LTBP2: variants seen among roughly 807,000 people sequenced by gnomAD.
LTBP2 encodes the protein latent-transforming growth factor beta-binding protein 2.
A neutral mutation model predicts 210.6 loss-of-function variants in LTBP2; 103 were observed. The observed-to-expected ratio is 0.49, with a 90% CI of 0.42 to 0.58. The LOEUF (loss-of-function observed/expected upper bound fraction) is 0.58, where lower values mean the gene tolerates loss of function less well. Among genes scored for constraint, LTBP2 ranks in the 20% least tolerant of loss-of-function variants. LTBP2 has a pLI of 0.00. For missense variants in LTBP2, 2,313 were observed against 2,494.5 expected (o/e 0.93, Z 1.55); for synonymous variants, 1,007 against 1,015.0 (o/e 0.99, Z 0.15).
Position 74,612,146 on chromosome 14 carries a change from A to G in LTBP2, c.-202T>C, listed in dbSNP as rs1348464563. On this transcript the variant is annotated 5_prime_UTR_variant, in exon 1 of 36. Coordinates refer to ENST00000261978, the MANE Select transcript of LTBP2 (RefSeq NM_000428.3). Reference sequence around the variant, plus strand: ...CCCCGAGCCTCGAGTCCGCGCTCCTACTCCAGCTGGGCTCGCACGGCTGCT... The same window carrying G: ...CCCCGAGCCTCGAGTCCGCGCTCCTGCTCCAGCTGGGCTCGCACGGCTGCT... 1 of 538,174 alleles carries G rather than the reference A, an allele frequency of 1.9e-6. No homozygotes were observed. The allele number at this position is 538,174 out of a possible 1,614,324, so 33.3% of individuals were successfully genotyped here. A position where few individuals can be genotyped will look rare whatever the true frequency, so the allele number is the denominator to read the frequency against.
chr14:74,506,017 C>A, intron 28 of LTBP2, 31 bp downstream of exon 28: 1 of 1,613,732 alleles, frequency 6.2e-7, no homozygotes, highest in Non-Finnish European at 8.5e-7. Context: ...ACCTCTGAGT[C>A]ACCATGGATA....
intron 2 of LTBP2, among the ~76,000 whole-genome samples, chr14:74,600,660 C>T (rs1436176905): frequency 1.3e-5 from 2 of 152,126 alleles, no homozygotes; most frequent in African/African-American, 4.8e-5. Flanking sequence ...CCCTATGAAG[C>T]CACCCGCTGC....
chr14:74,507,927 G>A (rs751392016), intron 25 of LTBP2, 46 bp downstream of exon 25: 120 of 1,610,034 alleles, frequency 7.5e-5, no homozygotes, highest in Non-Finnish European at 8.6e-5. Context: ...GTGTAGAGAT[G>A]GGCAGATGTG....
chr14:74,574,473 A>G (rs1033978066), intron 3 of LTBP2, among the ~76,000 whole-genome samples: 1 of 152,232 alleles, frequency 6.6e-6, no homozygotes, highest in African/African-American at 2.4e-5. Flanking sequence ...CATGTCCTGC[A>G]TGTCACTGAG....
chr14:74,520,854 C>G, intron 17 of LTBP2, among the ~76,000 whole-genome samples: 1 of 152,186 alleles, frequency 6.6e-6, no homozygotes, highest in East Asian at 1.9e-4. Context: ...TTATTCTGCT[C>G]CATCTCGAGT....
At chr14:74,588,510 C>T (rs762426551) in intron 2 of LTBP2, among the ~76,000 whole-genome samples, 12 of 152,146 alleles carry the variant, frequency 7.9e-5, no homozygotes, top group Non-Finnish European at 1.8e-4. Flanking sequence ...TGTGAGCCGC[C>T]GCACGAGGCC....
chr14:74,550,521 G>A (rs1456998232), intron 7 of LTBP2, among the ~76,000 whole-genome samples: 2 of 152,314 alleles, frequency 1.3e-5, no homozygotes, highest in East Asian at 3.9e-4. Flanking sequence ...ACTGGGTCTG[G>A]TCTAACCCCT....
chr14:74,513,931 G>A (rs1406129948), intron 18 of LTBP2, among the ~76,000 whole-genome samples: 1 of 152,216 alleles, frequency 6.6e-6, no homozygotes, highest in Non-Finnish European at 1.5e-5. Flanking sequence ...CAGAGCCCCA[G>A]CCAGTGATTA....
chr14:74,589,718 C>T (rs1419308309), intron 2 of LTBP2, among the ~76,000 whole-genome samples: 3 of 152,204 alleles, frequency 2.0e-5, no homozygotes, highest in Non-Finnish European at 2.9e-5. Context: ...GGGGCCAGCC[C>T]AGCAGCCACG....
chr14:74,503,044 G>A, intron 33 of LTBP2, 110 bp from the exon 34 acceptor site: 1 of 1,507,486 alleles, frequency 6.6e-7, no homozygotes. Context: ...GGGAGATCCT[G>A]GCAACATTCC....
intron 12 of LTBP2, among the ~76,000 whole-genome samples, chr14:74,528,195 G>A (rs1415970477): frequency 2.0e-5 from 3 of 152,240 alleles, no homozygotes; most frequent in Non-Finnish European, 4.4e-5. Context: ...GAGGGCAGGA[G>A]ATGGAGAGGC....
chr14:74,579,045 C>T (rs1033578249), intron 3 of LTBP2, among the ~76,000 whole-genome samples: 9 of 152,176 alleles, frequency 5.9e-5, no homozygotes, highest in Non-Finnish European at 7.4e-5. Flanking sequence ...TTAGTAGAGA[C>T]GGGGTTTCGC....
Position 74,500,823 on chromosome 14 carries a change from C to T in LTBP2, c.*61G>A. 3 of 1,607,950 alleles carry T rather than the reference C, an allele frequency of 1.9e-6. No individual in the cohort carries two copies. The highest frequency in any genetic ancestry group is 3.3e-5 in the Admixed American group (2 of 60,024). On this transcript the variant is annotated 3_prime_UTR_variant, in exon 36 of 36. Transcript: ENST00000261978. ...GTCTTCCCAGCTAGGAAATCATCCTCAAGGCCCCTGCCTGTGACTGGAGGC... is the reference window on the plus strand; with the variant it reads ...GTCTTCCCAGCTAGGAAATCATCCTTAAGGCCCCTGCCTGTGACTGGAGGC...
intron 3 of LTBP2, 103 bp downstream of exon 3, chr14:74,585,751 T>C: frequency 1.3e-6 from 2 of 1,565,696 alleles, no homozygotes; most frequent in Non-Finnish European, 8.7e-7. Flanking sequence ...GGGAGGACTC[T>C]GCGGCCTTCT....
rs1449195572 is a variant in LTBP2, at chr14:74,502,621, C to G, written c.5170+32G>C. 3 of 1,614,042 alleles carry G rather than the reference C, an allele frequency of 1.9e-6. No homozygotes were observed. The African/African-American group carries it at 4.0e-5, about 22-fold the overall frequency. ...ATGGAAGTGAAACAGCTTTGGTGCC[C>G]ACCTCTTCCCCAGTTTTGCAGCAAC... On this transcript the variant is annotated intron_variant, in intron 34 of 35. Transcript: ENST00000261978.
intron 27 of LTBP2, 86 bp downstream of exon 27, chr14:74,506,612 C>A: frequency 6.3e-7 from 1 of 1,588,078 alleles, no homozygotes; most frequent in African/African-American, 1.3e-5. Flanking sequence ...CGTGATGGAG[C>A]CACGTGACCA....
rs2088609790 is a variant in LTBP2, at chr14:74,611,585, C to G, written c.360G>C (p.Gln120His). 1.3e-6 allele frequency: 2 copies of G among 1,576,058 alleles called. No homozygotes were observed. The highest frequency in any genetic ancestry group is 1.7e-6 in the Non-Finnish European group (2 of 1,167,630). The change falls in exon 1 of 36, where the codon CAG becomes CAC. Residue 120 changes from glutamine (Q) to histidine (H), a missense_variant. Around this residue, in one of 3 missense-constraint regions of LTBP2, gnomAD observed 1,867 missense variants for 1,976.9 expected, o/e 0.94. Transcript: ENST00000261978. ...QQSRRVQPPA[Q>H]TRRSTPLGQQ... ...GGCCCAGGGGAGTGCTTCTCCGGGTCTGCGCAGGTGGCTGGACACGCCGCG... is the reference window on the plus strand; with the variant it reads ...GGCCCAGGGGAGTGCTTCTCCGGGTGTGCGCAGGTGGCTGGACACGCCGCG...
At chr14:74,584,409 A>G (rs1409266818) in intron 3 of LTBP2, among the ~76,000 whole-genome samples, 2 of 152,096 alleles carry the variant, frequency 1.3e-5, no homozygotes, top group South Asian at 2.1e-4. Flanking sequence ...GAGATGGGGG[A>G]AGCTCTGCTG....
chr14:74,545,042 G>A (rs534754621), intron 8 of LTBP2, among the ~76,000 whole-genome samples: 42 of 152,232 alleles, frequency 2.8e-4, no homozygotes, highest in African/African-American at 5.1e-4. Context: ...TCTTCTTGAC[G>A]GATATAGCAC....
Sources: allele counts gnomAD v4.1 joint callset (sites outside exome capture counted in the v4.1 genomes callset), GRCh38; gene constraint gnomAD v4.1.1; regional missense constraint gnomAD v4.1.1; transcripts MANE v1.5; gene names NCBI Gene and HGNC (gene_info 2026-07-23, HGNC 2026-07-21).